KHDRBS2: variants seen among roughly 807,000 people sequenced by gnomAD.
KHDRBS2 encodes KH domain-containing, RNA-binding, signal transduction-associated protein 2.
A neutral mutation model predicts 44.3 loss-of-function variants in KHDRBS2; 26 were observed. The ratio of observed to expected loss-of-function variants is 0.59; its 90% CI spans 0.43 to 0.81. KHDRBS2 has a LOEUF of 0.81. Among genes scored for constraint, KHDRBS2 ranks in the 40% least tolerant of loss-of-function variants. The pLI, the probability that KHDRBS2 is intolerant of heterozygous loss-of-function variation, is 0.00. For synonymous variants in KHDRBS2, 194 were observed against 151.1 expected, an observed-to-expected ratio of 1.28 and a Z score of -2.08; for missense variants, 476 against 433.1, an observed-to-expected ratio of 1.10 and a Z score of -0.88.
intron 4 of KHDRBS2, among the ~76,000 whole-genome samples, chr6:61,904,731 TA>T (rs1446032111): frequency 6.6e-6 from 1 of 152,206 alleles, no homozygotes; most frequent in East Asian, 1.9e-4. Context: ...GGGCAATCCG[TA>T]AGGATTCCAC....
intron 6 of KHDRBS2, among the ~76,000 whole-genome samples, chr6:61,867,949 A>G (rs1203821130): frequency 6.6e-6 from 1 of 152,160 alleles, no homozygotes; most frequent in East Asian, 1.9e-4. Context: ...GGACCAGCTT[A>G]AAGAAGCAGC....
At chr6:62,181,780 G>C (rs982678840) in intron 1 of KHDRBS2, among the ~76,000 whole-genome samples, 1 of 151,844 alleles carries the variant, frequency 6.6e-6, no homozygotes, top group Non-Finnish European at 1.5e-5. Context: ...CATGAGAATG[G>C]AACCCTCATG....
chr6:61,729,908 A>G (rs925337291), intron 7 of KHDRBS2, among the ~76,000 whole-genome samples: 1 of 152,100 alleles, frequency 6.6e-6, no homozygotes, highest in Non-Finnish European at 1.5e-5. Context: ...TTGCCATTTT[A>G]TTTAATAACA....
the KHDRBS2 span, among the ~76,000 whole-genome samples, chr6:61,601,746 T>C: frequency 6.6e-6 from 1 of 151,896 alleles, no homozygotes; most frequent in Non-Finnish European, 1.5e-5. Context: ...CCCAGGCTGT[T>C]CCTAGCCAGG....
At chr6:61,849,416 T>G (rs890113416) in intron 6 of KHDRBS2, among the ~76,000 whole-genome samples, 3 of 152,130 alleles carry the variant, frequency 2.0e-5, no homozygotes, top group Non-Finnish European at 2.9e-5. Context: ...CACTTAGAAG[T>G]TGCTTACATG....
chr6:61,552,676 A>G, the KHDRBS2 span, among the ~76,000 whole-genome samples: 1 of 152,284 alleles, frequency 6.6e-6, no homozygotes, highest in East Asian at 1.9e-4. Context: ...GATTCCTCCA[A>G]TGCCTAGTTT....
intron 4 of KHDRBS2, among the ~76,000 whole-genome samples, chr6:61,970,444 A>G (rs2127398887): frequency 6.6e-6 from 1 of 152,218 alleles, no homozygotes; most frequent in Non-Finnish European, 1.5e-5. Flanking sequence ...TCTAAGTATA[A>G]GGTGAACTAC....
At position 61,904,993 on chromosome 6, in the gene KHDRBS2, A is replaced by T. The variant is rs952449743; in HGVS notation, c.484-3622T>A. Among the ~76,000 whole-genome samples, 4 of 152,204 alleles carry T rather than the reference A, an allele frequency of 2.6e-5. No homozygotes were observed. In the East Asian group the frequency reaches 7.7e-4, roughly 29 times the overall value. On this transcript the variant is annotated intron_variant, in intron 4 of 8. Coordinates refer to ENST00000281156, the MANE Select transcript of KHDRBS2 (RefSeq NM_152688.4). ...TAGTTGAGCCTATCCCATTCAACATACTTTATACTATGTATGATTAAATTG... is the reference window on the plus strand; with the variant it reads ...TAGTTGAGCCTATCCCATTCAACATTCTTTATACTATGTATGATTAAATTG...
intron 6 of KHDRBS2, among the ~76,000 whole-genome samples, chr6:61,795,914 T>TA (rs1302793969): frequency 2.9e-4 from 44 of 151,814 alleles, no homozygotes; most frequent in African/African-American, 9.9e-4. Context: ...TAGGGTGTTT[T>TA]AAAAAAAAGT....
At chr6:61,710,313 T>C (rs1000299607) in intron 7 of KHDRBS2, among the ~76,000 whole-genome samples, 2 of 151,768 alleles carry the variant, frequency 1.3e-5, no homozygotes, top group Non-Finnish European at 2.9e-5. Flanking sequence ...TTAGTAATAA[T>C]GCCAAATTAC....
At chr6:61,923,418 AC>A (rs1808407857) in intron 4 of KHDRBS2, among the ~76,000 whole-genome samples, 1 of 151,996 alleles carries the variant, frequency 6.6e-6, no homozygotes, top group Non-Finnish European at 1.5e-5. Flanking sequence ...TCCAAAGTGC[AC>A]TTAAGAAGAT....
intron 6 of KHDRBS2, among the ~76,000 whole-genome samples, chr6:61,779,954 T>C (rs958933074): frequency 5.3e-5 from 8 of 152,076 alleles, no homozygotes; most frequent in Non-Finnish European, 8.8e-5. Flanking sequence ...ACTTACTATA[T>C]TGTAGCAATT....
chr6:62,088,540 C>G (rs1457785195), intron 2 of KHDRBS2, among the ~76,000 whole-genome samples: 1 of 152,206 alleles, frequency 6.6e-6, no homozygotes, highest in Admixed American at 6.5e-5. Context: ...GGCTGCAGAA[C>G]AGCAAAGATT....
chr6:61,614,072 T>C, the KHDRBS2 span, among the ~76,000 whole-genome samples: 1 of 152,238 alleles, frequency 6.6e-6, no homozygotes, highest in Non-Finnish European at 1.5e-5. Flanking sequence ...TATTCGCTTC[T>C]TTAACAGCAC....
intron 6 of KHDRBS2, among the ~76,000 whole-genome samples, chr6:61,797,715 G>A (rs1210740203): frequency 7.2e-6 from 1 of 138,176 alleles, no homozygotes; most frequent in African/African-American, 2.8e-5. Flanking sequence ...TACTGTGTCA[G>A]TATGGTGTTT....
rs1347238370 is a variant in KHDRBS2 at position 61,901,241 on chromosome 6, T to C, written c.611+3A>G. 1.2e-6 allele frequency: 2 copies of C among 1,610,252 alleles called. No individual in the cohort carries two copies. The highest frequency in any genetic ancestry group is 1.7e-6 in the Non-Finnish European group (2 of 1,178,708). ...AATTTATTTAAAGTAAGAATGAATG[T>C]ACCTTGAAGGAGCTGTGGGAGCTAT... On this transcript the variant is annotated splice_donor_region_variant and intron_variant, in intron 5 of 8. Transcript: ENST00000281156.
intron 3 of KHDRBS2, among the ~76,000 whole-genome samples, chr6:62,018,570 A>C (rs1291654356): frequency 1.3e-5 from 2 of 151,904 alleles, no homozygotes; most frequent in East Asian, 2.0e-4. Flanking sequence ...TGATCTCGAT[A>C]TCCTGACCTC....
At chr6:62,100,936 A>C (rs1239036365) in intron 2 of KHDRBS2, among the ~76,000 whole-genome samples, 18 of 152,170 alleles carry the variant, frequency 1.2e-4, no homozygotes, top group Non-Finnish European at 2.4e-4. Context: ...GATTTTTACA[A>C]AAAATAGCAA....
In KHDRBS2 at chr6:61,935,872, G is replaced by A. The variant is rs1252718602; in HGVS notation, c.484-34501C>T. Among the ~76,000 whole-genome samples the A allele has an allele frequency of 2.6e-5, 4 of 152,062 alleles. No homozygotes were observed. In the East Asian group the frequency reaches 7.7e-4, roughly 29 times the overall value. On this transcript the variant is annotated intron_variant, in intron 4 of 8. Coordinates refer to ENST00000281156, the MANE Select transcript of KHDRBS2 (RefSeq NM_152688.4). ...TGAATTTCAGAGACCATCAGAGAATGACAATCTCATCATATTGATTTCATC... is the reference window on the plus strand; with the variant it reads ...TGAATTTCAGAGACCATCAGAGAATAACAATCTCATCATATTGATTTCATC...
Sources: gnomAD v4.1 joint callset for allele counts (sites outside exome capture counted in the v4.1 genomes callset) on GRCh38, gnomAD v4.1.1 for gene constraint, MANE v1.5 for transcripts, NCBI Gene and HGNC (gene_info 2026-07-23, HGNC 2026-07-21) for gene names.